Variants in CALN1 observed in about 807,000 individuals in gnomAD.
CALN1 encodes calcium-binding protein 8.
A neutral mutation model predicts 30.6 loss-of-function variants in CALN1; 17 were observed. That is an observed-to-expected ratio of 0.56 (90% CI 0.38 to 0.83). The LOEUF is 0.83. CALN1 is among the 40% of genes least tolerant of loss of function. The pLI, the probability that CALN1 is intolerant of heterozygous loss-of-function variation, is 0.00. For synonymous variants in CALN1, 156 were observed against 131.4 expected (o/e 1.19, Z -1.28); for missense variants, 291 against 354.9 (o/e 0.82, Z 1.45).
intron 3 of CALN1, among the ~76,000 whole-genome samples, chr7:72,241,738 G>C (rs1794849203): frequency 1.3e-5 from 2 of 151,862 alleles, no homozygotes; most frequent in Non-Finnish European, 2.9e-5. Flanking sequence ...AAATATATCT[G>C]ATGCAACACA....
chr7:72,355,651 G>T (rs1436515429), intron 2 of CALN1, among the ~76,000 whole-genome samples: 1 of 152,090 alleles, frequency 6.6e-6, no homozygotes, highest in Non-Finnish European at 1.5e-5. Flanking sequence ...TTGGTAAAAT[G>T]AATAGACAAG....
chr7:72,005,836 G>A (rs1414786976), intron 5 of CALN1, among the ~76,000 whole-genome samples: 1 of 152,154 alleles, frequency 6.6e-6, no homozygotes, highest in Non-Finnish European at 1.5e-5. Flanking sequence ...GTCATTAAAG[G>A]GCAACAGGGG....
intron 5 of CALN1, among the ~76,000 whole-genome samples, chr7:71,972,860 T>G (rs972886552): frequency 6.6e-6 from 1 of 152,042 alleles, no homozygotes; most frequent in Non-Finnish European, 1.5e-5. Flanking sequence ...GTGGGCAGAG[T>G]GTGATCTCTT....
intron 5 of CALN1, among the ~76,000 whole-genome samples, chr7:71,923,881 G>A (rs1795114108): frequency 6.6e-6 from 1 of 152,070 alleles, no homozygotes; most frequent in South Asian, 2.1e-4. Context: ...TCTGCAACCA[G>A]AAGTTTGCAG....
At chr7:72,337,536 C>T (rs1802153216) in intron 2 of CALN1, 1 of 154,062 alleles carries the variant, frequency 6.5e-6, no homozygotes, top group Non-Finnish European at 1.4e-5. Flanking sequence ...AAGAGGCTGC[C>T]CACGTTAACT....
intron 2 of CALN1, among the ~76,000 whole-genome samples, chr7:72,372,691 T>C (rs1364133291): frequency 1.4e-4 from 21 of 152,104 alleles, no homozygotes; most frequent in Admixed American, 1.4e-3. Flanking sequence ...CTTTGGAAAT[T>C]AACTGAAATT....
intron 1 of CALN1, among the ~76,000 whole-genome samples, chr7:72,425,406 G>A (rs544120915): frequency 4.6e-5 from 7 of 152,126 alleles, no homozygotes; most frequent in Admixed American, 6.6e-5. Context: ...GAGCCACCAC[G>A]CTCGGCCTCC....
At chr7:72,403,704 C>T (rs1041336384) in intron 1 of CALN1, among the ~76,000 whole-genome samples, 2 of 152,164 alleles carry the variant, frequency 1.3e-5, no homozygotes, top group African/African-American at 4.8e-5. Flanking sequence ...GGTATTTTTC[C>T]ATTCGTACCC....
At chr7:71,874,029 C>T (rs550272709) in intron 5 of CALN1, among the ~76,000 whole-genome samples, 2 of 152,260 alleles carry the variant, frequency 1.3e-5, no homozygotes, top group African/African-American at 4.8e-5. Context: ...AATCCCAGCA[C>T]TTTGGGAGGC....
intron 4 of CALN1, among the ~76,000 whole-genome samples, chr7:72,049,743 G>C (rs977438527): frequency 4.0e-5 from 6 of 150,940 alleles, no homozygotes; most frequent in African/African-American, 1.5e-4. Flanking sequence ...CCTGACCTCA[G>C]GTGATCCACC....
intron 3 of CALN1, among the ~76,000 whole-genome samples, chr7:72,219,643 ACACACACACGCACACACACCCTTG>A (rs1793115227): frequency 6.6e-6 from 1 of 151,574 alleles, no homozygotes. Flanking sequence ...ATGCGCGCAC[ACACACACACGCACACACACCCTTG>A]CACACACATG....
At chr7:72,308,370 G>GGGGGGAGA (rs1799800200) in intron 2 of CALN1, among the ~76,000 whole-genome samples, 1 of 90,242 alleles carries the variant, frequency 1.1e-5, no homozygotes, top group Non-Finnish European at 2.2e-5. Context: ...TCTGTGGGGG[G>GGGGGGAGA]GGGAGAGAGA....
At chr7:72,017,283 G>A (rs1436268317) in intron 5 of CALN1, among the ~76,000 whole-genome samples, 8 of 151,836 alleles carry the variant, frequency 5.3e-5, no homozygotes, top group Admixed American at 6.6e-5. Context: ...AAGCCTTTCC[G>A]GAAAGGTTTC....
At chr7:72,461,335 A>G in the CALN1 span, among the ~76,000 whole-genome samples, 1 of 152,204 alleles carries the variant, frequency 6.6e-6, no homozygotes, top group African/African-American at 2.4e-5. Context: ...AAATTGTTCT[A>G]CTAAAAAGAC....
chr7:72,117,864 A>C (rs534399720), intron 3 of CALN1, among the ~76,000 whole-genome samples: 39 of 151,686 alleles, frequency 2.6e-4, no homozygotes, highest in South Asian at 8.3e-4. Flanking sequence ...AGGCTGAGGC[A>C]GGAGAATTGC....
intron 3 of CALN1, among the ~76,000 whole-genome samples, chr7:72,128,710 A>T (rs1021794601): frequency 2.0e-5 from 3 of 152,158 alleles, no homozygotes; most frequent in Admixed American, 6.5e-5. Flanking sequence ...ATCTCTACTA[A>T]AAATACAAAA....
At chr7:72,398,867 A>C (rs1398674200) in intron 2 of CALN1, among the ~76,000 whole-genome samples, 6 of 152,126 alleles carry the variant, frequency 3.9e-5, no homozygotes, top group African/African-American at 1.4e-4. Flanking sequence ...CATCGATCAC[A>C]CCCAACCCTT....
intron 2 of CALN1, chr7:72,337,025 G>A: frequency 9.1e-6 from 9 of 985,404 alleles, no homozygotes; most frequent in Non-Finnish European, 1.1e-5. Flanking sequence ...CGTGTGCCCC[G>A]CACCCCCTGC....
chr7:71,849,317 G>A (rs750235487), intron 5 of CALN1, among the ~76,000 whole-genome samples: 86 of 151,968 alleles, frequency 5.7e-4, no homozygotes, highest in Non-Finnish European at 9.6e-4. Flanking sequence ...GCATATATAT[G>A]GACTCCCAGT....
Sources: gnomAD v4.1 joint callset for allele counts (sites outside exome capture counted in the v4.1 genomes callset) on GRCh38, gnomAD v4.1.1 for gene constraint, MANE v1.5 for transcripts, NCBI Gene and HGNC (gene_info 2026-07-23, HGNC 2026-07-21) for gene names.